LINGO2: variants seen among roughly 807,000 people sequenced by gnomAD.
The protein encoded by LINGO2 is leucine-rich repeat and immunoglobulin-like domain-containing nogo receptor-interacting protein 2.
Under a neutral mutation model 30.6 loss-of-function variants are expected in LINGO2, and 14 were observed. The ratio of observed to expected loss-of-function variants is 0.46; its 90% CI spans 0.30 to 0.72. The LOEUF is 0.72. LINGO2 is among the 30% of genes least tolerant of loss of function. LINGO2 has a pLI of 0.07. For missense variants in LINGO2, 729 were observed against 751.7 expected (o/e 0.97, Z 0.35); for synonymous variants, 317 against 288.5 (o/e 1.10, Z -1.00).
intron 3 of LINGO2, among the ~76,000 whole-genome samples, chr9:28,357,419 T>A (rs1384963361): frequency 6.6e-6 from 1 of 150,978 alleles, no homozygotes; most frequent in Non-Finnish European, 1.5e-5. Flanking sequence ...AAATATTTAG[T>A]GTAGAATTAA....
intron 4 of LINGO2, among the ~76,000 whole-genome samples, chr9:28,288,625 C>T (rs1323423035): frequency 6.6e-6 from 1 of 152,092 alleles, no homozygotes; most frequent in Non-Finnish European, 1.5e-5. Context: ...TTGTTTCTGG[C>T]TACATGCTGT....
At chr9:28,259,812 G>T (rs4552997) in intron 4 of LINGO2, among the ~76,000 whole-genome samples, 7 of 151,800 alleles carry the variant, frequency 4.6e-5, no homozygotes, top group East Asian at 2.0e-4. Flanking sequence ...GGAAGCCAAA[G>T]GATAGGGGAG....
At chr9:28,626,298 C>G (rs1011314853) in intron 1 of LINGO2, among the ~76,000 whole-genome samples, 2 of 151,784 alleles carry the variant, frequency 1.3e-5, no homozygotes, top group African/African-American at 4.8e-5. Flanking sequence ...TTGTAAATGT[C>G]CTTTATATAT....
chr9:28,173,569 G>A (rs1419711910), intron 4 of LINGO2, among the ~76,000 whole-genome samples: 2 of 152,184 alleles, frequency 1.3e-5, no homozygotes, highest in African/African-American at 4.8e-5. Context: ...ATCTCCATGG[G>A]AGAAGTGTCA....
At chr9:29,074,259 GACA>G in the LINGO2 span, among the ~76,000 whole-genome samples, 13 of 151,812 alleles carry the variant, frequency 8.6e-5, no homozygotes, top group Non-Finnish European at 1.8e-4. Context: ...AATCAACAGA[GACA>G]ATAGATCAAA....
At chr9:28,109,690 G>T (rs560694178) in intron 4 of LINGO2, among the ~76,000 whole-genome samples, 1 of 152,284 alleles carries the variant, frequency 6.6e-6, no homozygotes, top group African/African-American at 2.4e-5. Context: ...ACTGACAAGG[G>T]ACATGAAGGA....
the LINGO2 span, among the ~76,000 whole-genome samples, chr9:28,720,297 C>G: frequency 6.6e-6 from 1 of 152,062 alleles, no homozygotes; most frequent in Non-Finnish European, 1.5e-5. Context: ...TACATGCAGA[C>G]ATTCAGAGAT....
rs553482006 is a variant in LINGO2 at position 28,227,879 on chromosome 9, A to G, written c.-87+67329T>C. On this transcript the variant is annotated intron_variant, in intron 4 of 5. Transcript: ENST00000379992. ...TAACATCTACAGGATACTGAAATGC[A>G]AACTTGCCCTTTCCACAATTTAGCA... Among the ~76,000 whole-genome samples, 4 of 152,252 alleles carry G rather than the reference A, an allele frequency of 2.6e-5. No homozygotes were observed. The South Asian group carries it at 8.3e-4, about 32-fold the overall frequency.
chr9:27,976,405 AG>A (rs1200100452), intron 5 of LINGO2, among the ~76,000 whole-genome samples: 2 of 152,098 alleles, frequency 1.3e-5, no homozygotes, highest in Admixed American at 1.3e-4. Flanking sequence ...TCTGGGAGAA[AG>A]TGTCCCTCCA....
chr9:29,093,622 T>C, the LINGO2 span, among the ~76,000 whole-genome samples: 10 of 136,334 alleles, frequency 7.3e-5, 1 homozygote, highest in African/African-American at 2.7e-4. Flanking sequence ...TAAATTATAA[T>C]TAATAAGATA....
chr9:28,440,168 T>G (rs1398317742), intron 2 of LINGO2, among the ~76,000 whole-genome samples: 1 of 152,184 alleles, frequency 6.6e-6, no homozygotes, highest in Non-Finnish European at 1.5e-5. Flanking sequence ...TTATTTTATT[T>G]TTAAAGAGTA....
chr9:28,369,027 C>T (rs1293951776), intron 3 of LINGO2, among the ~76,000 whole-genome samples: 1 of 152,162 alleles, frequency 6.6e-6, no homozygotes, highest in Non-Finnish European at 1.5e-5. Flanking sequence ...TGCCTGGCTT[C>T]ATGATGTGGG....
chr9:28,956,500 A>AT, the LINGO2 span, among the ~76,000 whole-genome samples: 1 of 151,954 alleles, frequency 6.6e-6, no homozygotes, highest in Middle Eastern at 3.2e-3. Flanking sequence ...TTCCCAGACT[A>AT]TTCCGTATAA....
At chr9:28,406,816 G>A (rs931677474) in intron 2 of LINGO2, among the ~76,000 whole-genome samples, 1 of 152,234 alleles carries the variant, frequency 6.6e-6, no homozygotes, top group Middle Eastern at 3.4e-3. Context: ...CTGTGAAAAA[G>A]CTATTTTAAT....
intron 5 of LINGO2, among the ~76,000 whole-genome samples, chr9:27,977,744 A>G (rs1286529836): frequency 2.0e-5 from 3 of 151,800 alleles, no homozygotes; most frequent in African/African-American, 7.3e-5. Context: ...TCACTACCCA[A>G]TGCTGTCTGA....
chr9:29,088,332 G>A, the LINGO2 span, among the ~76,000 whole-genome samples: 1 of 152,004 alleles, frequency 6.6e-6, no homozygotes, highest in African/African-American at 2.4e-5. Flanking sequence ...TGGCAAAACC[G>A]GTACTGCTCA....
intron 1 of LINGO2, among the ~76,000 whole-genome samples, chr9:28,579,604 C>T (rs1367256230): frequency 6.6e-6 from 1 of 151,964 alleles, no homozygotes; most frequent in Non-Finnish European, 1.5e-5. Context: ...TTTGCTCAAG[C>T]CACTGGCTTA....
the LINGO2 span, among the ~76,000 whole-genome samples, chr9:29,026,150 A>C: frequency 6.6e-6 from 1 of 151,956 alleles, no homozygotes; most frequent in East Asian, 1.9e-4. Context: ...CTCCCACCTC[A>C]GATTCCTAAG....
the LINGO2 span, among the ~76,000 whole-genome samples, chr9:28,844,002 G>A: frequency 6.6e-6 from 1 of 151,880 alleles, no homozygotes; most frequent in South Asian, 2.1e-4. Flanking sequence ...AAATATCAGT[G>A]AATTCTATGT....
Sources: gnomAD v4.1 joint callset for allele counts (sites outside exome capture counted in the v4.1 genomes callset) on GRCh38, gnomAD v4.1.1 for gene constraint, MANE v1.5 for transcripts, NCBI Gene and HGNC (gene_info 2026-07-23, HGNC 2026-07-21) for gene names.